TMTC2: variants seen among roughly 807,000 people sequenced by gnomAD.
The protein encoded by TMTC2 is protein O-mannosyl-transferase TMTC2.
TMTC2 carries 43 observed loss-of-function variants against 82.4 expected under a neutral mutation model. The observed-to-expected ratio is 0.52, with a 90% confidence interval of 0.41 to 0.67. The LOEUF (loss-of-function observed/expected upper bound fraction) is 0.67. TMTC2 is among the 30% of genes least tolerant of loss of function. The pLI is 0.00. For synonymous variants in TMTC2, 408 were observed against 381.9 expected (o/e 1.07, Z -0.80); for missense variants, 919 against 1,012.4 (o/e 0.91, Z 1.25).
intron 11 of TMTC2, among the ~76,000 whole-genome samples, chr12:83,065,153 A>G (rs1882873419): frequency 6.6e-6 from 1 of 151,976 alleles, no homozygotes; most frequent in Non-Finnish European, 1.5e-5. Context: ...AACCTTCATT[A>G]CAGTCACATT....
At chr12:82,711,483 A>T (rs574985825) in intron 1 of TMTC2, among the ~76,000 whole-genome samples, 3 of 152,194 alleles carry the variant, frequency 2.0e-5, no homozygotes, top group African/African-American at 7.2e-5. Flanking sequence ...AAAACCAGGC[A>T]TTGGGTTGAA....
chr12:82,805,497 CTTTTTTTTTTTT>C (rs753878105), intron 1 of TMTC2, among the ~76,000 whole-genome samples: 6 of 90,564 alleles, frequency 6.6e-5, no homozygotes, highest in South Asian at 3.8e-4. Flanking sequence ...CCTCTCCCCA[CTTTTTTTTTTTT>C]TTTTTTTTTT....
At chr12:82,978,410 T>C (rs948049136) in intron 7 of TMTC2, among the ~76,000 whole-genome samples, 2 of 151,760 alleles carry the variant, frequency 1.3e-5, no homozygotes, top group African/African-American at 4.8e-5. Context: ...ATACAGCTAT[T>C]AATGGCAAAA....
chr12:83,114,893 A>G (rs1177559199), intron 11 of TMTC2, among the ~76,000 whole-genome samples: 2 of 151,662 alleles, frequency 1.3e-5, no homozygotes, highest in Non-Finnish European at 2.9e-5. Flanking sequence ...GTGTATATTT[A>G]TATATATAAA....
intron 11 of TMTC2, among the ~76,000 whole-genome samples, chr12:83,127,903 G>A (rs1478462468): frequency 1.3e-5 from 2 of 152,042 alleles, no homozygotes; most frequent in African/African-American, 4.8e-5. Flanking sequence ...AATCCCTAGC[G>A]ACTTAAAAAA....
intron 2 of TMTC2, among the ~76,000 whole-genome samples, chr12:82,872,196 C>T (rs1872233813): frequency 6.6e-6 from 1 of 152,122 alleles, no homozygotes; most frequent in Non-Finnish European, 1.5e-5. Context: ...TGGCATGCCT[C>T]TGTCCCAGAA....
chr12:82,970,408 T>A (rs1237197430), intron 7 of TMTC2, among the ~76,000 whole-genome samples: 1 of 152,128 alleles, frequency 6.6e-6, no homozygotes, highest in Non-Finnish European at 1.5e-5. Flanking sequence ...CTCGCCTCAC[T>A]GCAAGCTCCG....
At chr12:82,992,092 G>A (rs1879426039) in intron 8 of TMTC2, among the ~76,000 whole-genome samples, 1 of 152,146 alleles carries the variant, frequency 6.6e-6, no homozygotes, top group South Asian at 2.1e-4. Flanking sequence ...CCAGACTCCT[G>A]TGTCTAGCCA....
At chr12:82,867,732 T>C (rs1467664292) in intron 2 of TMTC2, among the ~76,000 whole-genome samples, 3 of 152,208 alleles carry the variant, frequency 2.0e-5, no homozygotes, top group African/African-American at 4.8e-5. Flanking sequence ...CAAAGTTACA[T>C]GAAAACCTTA....
chr12:83,114,856 G>A (rs1293300481), intron 11 of TMTC2, among the ~76,000 whole-genome samples: 1 of 151,160 alleles, frequency 6.6e-6, no homozygotes, highest in Non-Finnish European at 1.5e-5. Flanking sequence ...GTATATATCT[G>A]ATATATGTGT....
chr12:82,687,818 A>G lies in TMTC2; in HGVS notation c.83+149A>G, dbSNP rs77843072. 2.9e-3 allele frequency: 2,116 copies of G among 727,954 alleles called. 40 individuals carry two copies. In the African/African-American group the frequency reaches 0.034, roughly 12 times the overall value. The allele number at this position is 727,954 out of a possible 1,614,324, so 45.1% of individuals were successfully genotyped here. A position where few individuals can be genotyped will look rare whatever the true frequency, so the allele number is the denominator to read the frequency against. On this transcript the variant is annotated intron_variant, in intron 1 of 11. Transcript: ENST00000321196. ...GCGACACGTAAACATTAACACCTAA[A>G]TCAAACACCGGGGACGTGAGGCGCG...
chr12:82,699,971 A>G (rs553788985), intron 1 of TMTC2, among the ~76,000 whole-genome samples: 1 of 152,310 alleles, frequency 6.6e-6, no homozygotes, highest in East Asian at 1.9e-4. Context: ...CTATATTTAT[A>G]TAGTACTTGT....
Position 83,134,389 on chromosome 12 carries a change from G to A in TMTC2, c.*2000G>A, listed in dbSNP as rs542671737. On this transcript the variant is annotated 3_prime_UTR_variant, in exon 12 of 12. Transcript: ENST00000321196. ...GTTATTGACCTATGATGACTTTCTA[G>A]TCTTAACATTTTATCTTTTTATTGT... 1 of 152,152 alleles carries A rather than the reference G, an allele frequency of 6.6e-6. No homozygotes were observed. Among genetic ancestry groups the A allele is most frequent in the Admixed American group, 6.6e-5 (1 of 15,266 alleles). 9.4% of individuals were successfully genotyped at this position (152,152 alleles called of 1,614,324 possible).
At chr12:83,030,753 C>A in intron 8 of TMTC2, 45 bp from the exon 9 acceptor site, 1 of 1,429,312 alleles carries the variant, frequency 7.0e-7, no homozygotes, top group Admixed American at 1.7e-5. Flanking sequence ...GTGAAGAATC[C>A]CTCATGATCT....
chr12:82,907,528 A>T (rs1874389326), intron 3 of TMTC2, among the ~76,000 whole-genome samples: 1 of 151,936 alleles, frequency 6.6e-6, no homozygotes, highest in South Asian at 2.1e-4. Context: ...GTCTGACTCT[A>T]ATGATTTCAA....
chr12:82,962,886 A>G (rs1878004626), intron 4 of TMTC2, among the ~76,000 whole-genome samples: 1 of 152,050 alleles, frequency 6.6e-6, no homozygotes, highest in Non-Finnish European at 1.5e-5. Context: ...ATGAATAAAG[A>G]GACATTTTCT....
Position 82,967,461 on chromosome 12 carries a change from G to A in TMTC2, c.1948+464G>A, listed in dbSNP as rs7954706. On this transcript the variant is annotated intron_variant, in intron 7 of 11. Coordinates refer to ENST00000321196, the MANE Select transcript of TMTC2 (RefSeq NM_152588.3). ...AGATATGCTACAACAATTATTCTATGTTTTATGTTGAAAAATTGCCTAATT... is the reference window on the plus strand; with the variant it reads ...AGATATGCTACAACAATTATTCTATATTTTATGTTGAAAAATTGCCTAATT... 3.5e-3 allele frequency among the ~76,000 whole-genome samples: 529 copies of A among 152,112 alleles called. 2 individuals carry two copies. The highest frequency in any genetic ancestry group is 0.012 in the African/African-American group (505 of 41,530).
At chr12:82,852,226 CGA>C (rs1430037458) in intron 1 of TMTC2, among the ~76,000 whole-genome samples, 3 of 151,716 alleles carry the variant, frequency 2.0e-5, no homozygotes, top group Non-Finnish European at 2.9e-5. Flanking sequence ...CTCAGCCTCC[CGA>C]GTAGCTGGAA....
At chr12:83,060,698 G>C (rs1420604708) in intron 10 of TMTC2, among the ~76,000 whole-genome samples, 1 of 151,666 alleles carries the variant, frequency 6.6e-6, no homozygotes, top group South Asian at 2.1e-4. Context: ...AAGCTTCTTA[G>C]ATCTTATTAC....
Sources: gnomAD v4.1 joint callset for allele counts (sites outside exome capture counted in the v4.1 genomes callset) on GRCh38, gnomAD v4.1.1 for gene constraint, MANE v1.5 for transcripts, NCBI Gene and HGNC (gene_info 2026-07-23, HGNC 2026-07-21) for gene names.